LGALS8: variants seen among roughly 807,000 people sequenced by gnomAD.
The protein encoded by LGALS8 is galectin 8, also known as galectin-8.
Under a neutral mutation model 35.9 loss-of-function variants are expected in LGALS8, and 30 were observed. The observed-to-expected ratio is 0.83, with a 90% confidence interval of 0.62 to 1.13. LGALS8 has a LOEUF of 1.13. Among genes scored for constraint, LGALS8 ranks in the 50% most tolerant of loss-of-function variants. The pLI is 0.00. For missense variants in LGALS8, 366 were observed against 388.7 expected, an observed-to-expected ratio of 0.94 and a Z score of 0.49; for synonymous variants, 138 against 136.1, an observed-to-expected ratio of 1.01 and a Z score of -0.10.
intron 2 of LGALS8, among the ~76,000 whole-genome samples, chr1:236,534,251 C>CCTGGGTGTCTGTT (rs1558159255): frequency 3.3e-5 from 5 of 151,762 alleles, no homozygotes; most frequent in African/African-American, 1.2e-4. Flanking sequence ...ATTTTCACTC[C>CCTGGGTGTCTGTT]ATGTTTCCTG....
chr1:236,548,993 A>C lies in LGALS8; in HGVS notation c.*832A>C, dbSNP rs78333332. 0.027 allele frequency: 10,829 copies of C among 398,650 alleles called. 192 individuals carry two copies. The highest frequency in any genetic ancestry group is 0.039 in the Middle Eastern group (62 of 1,588). The allele number at this position is 398,650 out of a possible 1,614,324, so 24.7% of individuals were successfully genotyped here. ...GACGCCTACAGAAAGTTTCAGGAAG[A>C]GGCAAGATGCATTCAATTTGAAAGA... On this transcript the variant is annotated 3_prime_UTR_variant, in exon 10 of 10. Coordinates refer to ENST00000366584, the MANE Select transcript of LGALS8 (RefSeq NM_201544.4).
At chr1:236,541,591 TAAA>T (rs774847783) in intron 5 of LGALS8, 60 bp from the exon 6 acceptor site, 577,831 of 872,904 alleles carry the variant, frequency 0.66, 193,689 homozygotes, top group Non-Finnish European at 0.7. Flanking sequence ...TATGTCAATA[TAAA>T]ATATTTAGAA....
intron 6 of LGALS8, chr1:236,542,494 T>C (rs1451569808): frequency 3.9e-6 from 2 of 519,172 alleles, no homozygotes; most frequent in South Asian, 5.0e-5. Context: ...AAAAATTTCA[T>C]ATAGTTCTAT....
intron 1 of LGALS8, chr1:236,518,310 G>A (rs184265816): frequency 1.3e-5 from 2 of 152,286 alleles, no homozygotes; most frequent in African/African-American, 2.4e-5. Flanking sequence ...CAGATCATAG[G>A]GGGTCTGGAG....
Position 236,548,195 on chromosome 1 carries a change from C to A in LGALS8, c.*34C>A, listed in dbSNP as rs143578053. The A allele has an allele frequency of 6.1e-4, 970 of 1,591,184 alleles. 6 individuals are homozygous for A. In the African/African-American group the frequency reaches 0.012, roughly 19 times the overall value. On this transcript the variant is annotated 3_prime_UTR_variant, in exon 10 of 10. Transcript: ENST00000366584. ...CACAGCTGCTACAAAAACCAAAATA[C>A]AGAATGGCTTCTGTGATACTGGCCT...
chr1:236,520,059 C>G (rs1022422934), upstream of LGALS8, among the ~76,000 whole-genome samples: 2 of 147,312 alleles, frequency 1.4e-5, no homozygotes, highest in African/African-American at 5.1e-5. Flanking sequence ...TGGGTTCAAG[C>G]GATTCTCATG....
At chr1:236,544,583 C>G (rs1453719200) in intron 8 of LGALS8, among the ~76,000 whole-genome samples, 167 bp from the exon 9 acceptor site, 1 of 151,826 alleles carries the variant, frequency 6.6e-6, no homozygotes, top group Non-Finnish European at 1.5e-5. Flanking sequence ...GGAATGCTGA[C>G]TGGGTTTAAA....
rs1158688181 is a variant in LGALS8 at position 236,549,482 on chromosome 1, ATAT to A, written c.*1326_*1328del. The A allele has an allele frequency of 6.5e-6, 1 of 152,674 alleles. No individual in the cohort carries two copies. The highest frequency in any genetic ancestry group is 2.4e-5 in the African/African-American group (1 of 41,486). 9.5% of individuals were successfully genotyped at this position (152,674 alleles called of 1,614,324 possible). On this transcript the variant is annotated 3_prime_UTR_variant, in exon 10 of 10. Coordinates refer to ENST00000366584, the MANE Select transcript of LGALS8 (RefSeq NM_201544.4). Reference sequence around the variant, plus strand: ...GGAATATTTTCAGAACAGATTTTAGATATTATTTCTATCCATATATTGAAAAGA... The same window carrying A: ...GGAATATTTTCAGAACAGATTTTAGATATTTCTATCCATATATTGAAAAGA...
intron 2 of LGALS8, among the ~76,000 whole-genome samples, chr1:236,532,380 C>T (rs1238467704): frequency 6.6e-6 from 1 of 152,178 alleles, no homozygotes; most frequent in Non-Finnish European, 1.5e-5. Context: ...TCTTTATCTA[C>T]TTTGATATCT....
rs1333708480 is a variant in LGALS8 at position 236,541,683 on chromosome 1, G to A, written c.495G>A (p.Leu165=). 6.6e-7 allele frequency: 1 copy of A among 1,525,126 alleles called. No homozygotes were observed. Among genetic ancestry groups the A allele is most frequent in the Non-Finnish European group, 8.9e-7 (1 of 1,121,432 alleles). The allele number at this position is 1,525,126 out of a possible 1,614,324, so 94.5% of individuals were successfully genotyped here. ...SDLQSTQASS[L]ELTEISRENV... is the part of the protein sequence containing the mutation. ...TACAAAGTACCCAAGCATCTAGTCT[G>A]GAACTGACAGAGATAAGTAGAGAAA... Residue 165 remains leucine, a synonymous_variant, in exon 6 of 10, where the codon CTG becomes CTA. Coordinates refer to ENST00000366584, the MANE Select transcript of LGALS8 (RefSeq NM_201544.4).
intron 9 of LGALS8, among the ~76,000 whole-genome samples, chr1:236,547,031 C>A (rs1457045704): frequency 6.7e-6 from 1 of 149,238 alleles, no homozygotes; most frequent in African/African-American, 2.5e-5. Flanking sequence ...GAATGGAAAC[C>A]CTCAACTTGC....
chr1:236,547,883 AGTCAGCAGCAGCAGGCT>A, intron 9 of LGALS8, 112 bp from the exon 10 acceptor site: 1 of 776,298 alleles, frequency 1.3e-6, no homozygotes. Context: ...GTCAGAAGGA[AGTCAGCAGCAGCAGGCT>A]GGAACTTTTC....
intron 8 of LGALS8, among the ~76,000 whole-genome samples, 181 bp from the exon 9 acceptor site, chr1:236,544,569 T>C (rs899142547): frequency 2.6e-5 from 4 of 152,174 alleles, no homozygotes; most frequent in Non-Finnish European, 5.9e-5. Flanking sequence ...AGTAACGAAT[T>C]AGTGGAATGC....
At chr1:236,521,734 A>C (rs1430092961), upstream of LGALS8, among the ~76,000 whole-genome samples, 1 of 152,024 alleles carries the variant, frequency 6.6e-6, no homozygotes, top group African/African-American at 2.4e-5. Context: ...AGGCTGAGGC[A>C]CATGAATCAC....
intron 2 of LGALS8, among the ~76,000 whole-genome samples, chr1:236,535,709 T>G (rs1389492615): frequency 6.6e-6 from 1 of 152,182 alleles, no homozygotes; most frequent in African/African-American, 2.4e-5. Flanking sequence ...CACTGTCTGT[T>G]GTATTTTTTG....
At chr1:236,536,861 T>A (rs1353845042) in intron 2 of LGALS8, among the ~76,000 whole-genome samples, 1 of 152,076 alleles carries the variant, frequency 6.6e-6, no homozygotes, top group Non-Finnish European at 1.5e-5. Context: ...GTCTTTTTTT[T>A]TTTTTCTGTT....
In LGALS8 at chr1:236,538,942, C is replaced by T; in HGVS notation, c.198C>T (p.Phe66=). 6.2e-7 allele frequency: 1 copy of T among 1,613,928 alleles called. No individual in the cohort carries two copies. Among genetic ancestry groups the T allele is most frequent in the African/African-American group, 1.3e-5 (1 of 75,020 alleles). Residue 66 remains phenylalanine, a synonymous_variant, in exon 4 of 10, where the codon TTC becomes TTT. Coordinates refer to ENST00000366584, the MANE Select transcript of LGALS8 (RefSeq NM_201544.4). ...MKPRADVAFH[F]NPRFKRAGCI... ...CTCGAGCCGATGTGGCCTTTCATTTCAATCCTCGTTTCAAAAGGGCCGGCT... is the reference window on the plus strand; with the variant it reads ...CTCGAGCCGATGTGGCCTTTCATTTTAATCCTCGTTTCAAAAGGGCCGGCT...
chr1:236,519,601 A>G (rs1660496275), upstream of LGALS8, among the ~76,000 whole-genome samples: 1 of 152,208 alleles, frequency 6.6e-6, no homozygotes, highest in East Asian at 1.9e-4. Context: ...TATTGGGAAC[A>G]CCATCCCCTC....
upstream of LGALS8, chr1:236,523,971 C>T (rs1341526616): frequency 2.6e-6 from 1 of 379,278 alleles, no homozygotes; most frequent in Admixed American, 3.1e-5. Context: ...TTCCCGTAGC[C>T]GCCCACGGAC....
Sources: allele counts gnomAD v4.1 joint callset (sites outside exome capture counted in the v4.1 genomes callset), GRCh38; gene constraint gnomAD v4.1.1; transcripts MANE v1.5; gene names NCBI Gene and HGNC (gene_info 2026-07-23, HGNC 2026-07-21).